The following GPAT4 variants were observed in gnomAD, a reference collection of about 807,000 sequenced individuals.
GPAT4 encodes glycerol-3-phosphate acyltransferase 4.
GPAT4 carries 17 observed loss-of-function variants against 58.0 expected under a neutral mutation model. The ratio of observed to expected loss-of-function variants is 0.29; its 90% confidence interval spans 0.20 to 0.44. GPAT4 has a LOEUF of 0.44. Ranked by LOEUF, GPAT4 falls within the 20% of genes least tolerant of loss-of-function variation. GPAT4 has a pLI of 1.00. For synonymous variants in GPAT4, 204 were observed against 210.1 expected (o/e 0.97, Z 0.25); for missense variants, 377 against 574.5 (o/e 0.66, Z 3.51).
chr8:41,614,966 C>A lies in GPAT4; in HGVS notation c.971C>A (p.Thr324Asn). 1 of 1,613,748 alleles carries A rather than the reference C, an allele frequency of 6.2e-7. No homozygotes were observed. The highest frequency in any genetic ancestry group is 8.5e-7 in the Non-Finnish European group (1 of 1,179,674). Reference sequence around the variant, plus strand: ...TTTATTGTCTCCTGCATTTTAGGAACCTGCATCAATAATACATCGGTGATG... The same window carrying A: ...TTTATTGTCTCCTGCATTTTAGGAAACTGCATCAATAATACATCGGTGATG... ...KLPILIFPEG[T>N]CINNTSVMMF... Residue 324 changes from threonine (T) to asparagine (N), a missense_variant, in exon 10 of 13, where the codon ACC (threonine) becomes AAC (asparagine). By Grantham distance (65) the Thr-to-Asn change is moderately conservative. Transcript: ENST00000396987.
At chr8:41,602,894 G>A (rs188813647) in intron 2 of GPAT4, among the ~76,000 whole-genome samples, 36 of 152,164 alleles carry the variant, frequency 2.4e-4, no homozygotes, top group African/African-American at 7.5e-4. Flanking sequence ...GCCCTCCTGC[G>A]GCAGAGGGAT....
intron 1 of GPAT4, among the ~76,000 whole-genome samples, chr8:41,590,726 G>A (rs567539923): frequency 6.6e-6 from 1 of 152,308 alleles, no homozygotes; most frequent in South Asian, 2.1e-4. Flanking sequence ...CTAGGAACTA[G>A]GGTTCATGAC....
intron 12 of GPAT4, among the ~76,000 whole-genome samples, chr8:41,619,672 G>A (rs1803694261): frequency 6.6e-6 from 1 of 152,212 alleles, no homozygotes; most frequent in Non-Finnish European, 1.5e-5. Context: ...CTGGTTCAGA[G>A]AAAGTTTTCC....
intron 3 of GPAT4, 61 bp downstream of exon 3, chr8:41,609,546 T>C (rs1226670523): frequency 6.2e-7 from 1 of 1,603,504 alleles, no homozygotes; most frequent in South Asian, 1.1e-5. Context: ...CCCCAGTGCT[T>C]CTGGTGCCAC....
chr8:41,609,326 T>G (rs1803371613), intron 2 of GPAT4, 90 bp from the exon 3 acceptor site: 17 of 1,352,528 alleles, frequency 1.3e-5, no homozygotes, highest in Non-Finnish European at 1.7e-5. Flanking sequence ...TGACTGGGAC[T>G]GAGGCTTTCA....
intron 2 of GPAT4, among the ~76,000 whole-genome samples, chr8:41,606,352 A>T (rs1198317708): frequency 6.6e-6 from 1 of 152,172 alleles, no homozygotes; most frequent in South Asian, 2.1e-4. Flanking sequence ...GAGGACACCC[A>T]GCTGGTGCCT....
chr8:41,605,463 T>C (rs1375238175), intron 2 of GPAT4, among the ~76,000 whole-genome samples: 1 of 152,202 alleles, frequency 6.6e-6, no homozygotes, highest in African/African-American at 2.4e-5. Context: ...CATAGTTCAG[T>C]AGAGCAAAAA....
chr8:41,584,479 CAA>C (rs1172964606), intron 1 of GPAT4, among the ~76,000 whole-genome samples: 3 of 152,108 alleles, frequency 2.0e-5, no homozygotes, highest in Non-Finnish European at 2.9e-5. Context: ...GCTCAGCAAT[CAA>C]GAGGAATAAA....
chr8:41,620,832 T>C (rs1803726950), intron 12 of GPAT4, 61 bp from the exon 13 acceptor site: 1 of 1,547,414 alleles, frequency 6.5e-7, no homozygotes, highest in Non-Finnish European at 8.7e-7. Context: ...GCATCTCCCA[T>C]GGTGTGAGCG....
chr8:41,600,109 G>A (rs1407491210), intron 2 of GPAT4, among the ~76,000 whole-genome samples: 2 of 138,516 alleles, frequency 1.4e-5, no homozygotes, highest in Non-Finnish European at 3.0e-5. Context: ...CGCAATCACG[G>A]CTCACTGCAA....
chr8:41,590,405 A>C (rs753521462), intron 1 of GPAT4, among the ~76,000 whole-genome samples: 1 of 152,200 alleles, frequency 6.6e-6, no homozygotes, highest in East Asian at 1.9e-4. Flanking sequence ...ATTTTAAAGC[A>C]TGTAGTTTGG....
At chr8:41,579,269 T>A (rs1309347647) in intron 1 of GPAT4, among the ~76,000 whole-genome samples, 1 of 152,226 alleles carries the variant, frequency 6.6e-6, no homozygotes, top group African/African-American at 2.4e-5. Flanking sequence ...GGAACCAGCA[T>A]GTACTTGTTC....
rs1467841263 is a variant in GPAT4 at position 41,618,738 on chromosome 8, A to G, written c.1108A>G (p.Thr370Ala). 9 of 1,614,124 alleles carry G rather than the reference A, an allele frequency of 5.6e-6. No homozygotes were observed. The Admixed American group carries it at 1.5e-4, about 27-fold the overall frequency. Residue 370 changes from threonine to alanine, a missense_variant, in exon 11 of 13, where the codon ACG (threonine) becomes GCG (alanine). Thr to Ala is a moderately conservative substitution (Grantham distance 58). Transcript: ENST00000396987. Reference sequence around the variant, plus strand: ...GAACAGCAGCAAATACGGGATGGTGACGTACCTGCTGCGAATGATGACCAG... The same window carrying G: ...GAACAGCAGCAAATACGGGATGGTGGCGTACCTGCTGCGAATGATGACCAG... Reference protein sequence around the residue: ...FWNSSKYGMVTYLLRMMTSWA... With the variant: ...FWNSSKYGMVAYLLRMMTSWA...
At chr8:41,617,405 T>G (rs1158950757) in intron 10 of GPAT4, among the ~76,000 whole-genome samples, 1 of 152,140 alleles carries the variant, frequency 6.6e-6, no homozygotes, top group Non-Finnish European at 1.5e-5. Flanking sequence ...ATTAAAAAAA[T>G]ACTTTCTGAT....
intron 1 of GPAT4, among the ~76,000 whole-genome samples, chr8:41,589,625 G>A (rs1190353674): frequency 6.6e-6 from 1 of 152,358 alleles, no homozygotes; most frequent in Middle Eastern, 3.4e-3. Flanking sequence ...GATGTGGGCT[G>A]TGACTGGCCA....
chr8:41,605,495 G>A (rs1563275445), intron 2 of GPAT4, among the ~76,000 whole-genome samples: 2 of 152,192 alleles, frequency 1.3e-5, no homozygotes, highest in Non-Finnish European at 2.9e-5. Context: ...GAGGGAATGA[G>A]GTGGGTTACA....
chr8:41,595,118 A>T (rs1802893076), intron 1 of GPAT4, among the ~76,000 whole-genome samples: 1 of 150,634 alleles, frequency 6.6e-6, no homozygotes, highest in Non-Finnish European at 1.5e-5. Context: ...GCTATTAATA[A>T]GACCTTGTTT....
rs1803866975 is a variant in GPAT4 at position 41,624,812 on chromosome 8, G to T, written c.*3811G>T. 1 of 152,068 alleles carries T rather than the reference G, an allele frequency of 6.6e-6. No homozygotes were observed. Among genetic ancestry groups the T allele is most frequent in the Non-Finnish European group, 1.5e-5 (1 of 68,026 alleles). The allele number at this position is 152,068 out of a possible 1,614,324, so 9.4% of individuals were successfully genotyped here. On this transcript the variant is annotated 3_prime_UTR_variant, in exon 13 of 13. Transcript: ENST00000396987. Reference sequence around the variant, plus strand: ...TTCATTGCGCCAGGGGTGGCACCTGGCGTGTGTTGCGGGGGTGATTGCGCT... The same window carrying T: ...TTCATTGCGCCAGGGGTGGCACCTGTCGTGTGTTGCGGGGGTGATTGCGCT...
intron 10 of GPAT4, chr8:41,618,482 C>T: frequency 1.6e-6 from 1 of 640,980 alleles, no homozygotes; most frequent in Non-Finnish European, 2.7e-6. Context: ...GTAGCAGAGG[C>T]CGGGTTCCTC....
Sources: gnomAD v4.1 joint callset for allele counts (sites outside exome capture counted in the v4.1 genomes callset) on GRCh38, gnomAD v4.1.1 for gene constraint, MANE v1.5 for transcripts, NCBI Gene and HGNC (gene_info 2026-07-23, HGNC 2026-07-21) for gene names.